MYRFL: variants seen among roughly 807,000 people sequenced by gnomAD.
MYRFL encodes the protein myelin regulatory factor like.
In MYRFL, 88 loss-of-function variants were observed where a neutral mutation model predicts 109.4. That is an observed-to-expected ratio of 0.80 (90% CI 0.68 to 0.96). The LOEUF (loss-of-function observed/expected upper bound fraction) is 0.96, where lower values mean the gene tolerates loss of function less well. Ranked by LOEUF, MYRFL falls within the 40% of genes least tolerant of loss-of-function variation. MYRFL has a pLI of 0.00. For missense variants in MYRFL, 957 were observed against 954.9 expected, an observed-to-expected ratio of 1.00 and a Z score of -0.03; for synonymous variants, 324 against 320.9, an observed-to-expected ratio of 1.01 and a Z score of -0.10.
chr12:69,902,459 A>G (rs1468409997), intron 10 of MYRFL, among the ~76,000 whole-genome samples: 1 of 152,190 alleles, frequency 6.6e-6, no homozygotes, highest in Non-Finnish European at 1.5e-5. Flanking sequence ...CCCAGGCTCC[A>G]TCCTTGAGGA....
intron 2 of MYRFL, among the ~76,000 whole-genome samples, chr12:69,864,529 T>C (rs1057307493): frequency 3.3e-5 from 5 of 152,178 alleles, no homozygotes; most frequent in South Asian, 4.2e-4. Flanking sequence ...TGGAGAAACC[T>C]GTATGCAGAT....
At chr12:69,839,813 A>G (rs1367104495) in intron 1 of MYRFL, among the ~76,000 whole-genome samples, 1 of 152,226 alleles carries the variant, frequency 6.6e-6, no homozygotes, top group Non-Finnish European at 1.5e-5. Flanking sequence ...GGCTTAGCTC[A>G]TGATTCTTTT....
Position 69,825,249 on chromosome 12 carries a change from T to C in MYRFL, c.-269T>C. On this transcript the variant is annotated 5_prime_UTR_variant, in exon 1 of 25. Transcript: ENST00000552032. ...AGCAGAGTAGAAACAGTTCCTTATA[T>C]TAAGACAGATGAATTTGCTACCTCT... 1 of 629,602 alleles carries C rather than the reference T, an allele frequency of 1.6e-6. No individual in the cohort carries two copies. Among genetic ancestry groups the C allele is most frequent in the Non-Finnish European group, 2.9e-6 (1 of 348,158 alleles). The allele number at this position is 629,602 out of a possible 1,614,324, so 39.0% of individuals were successfully genotyped here. A position where few individuals can be genotyped will look rare whatever the true frequency, so the allele number is the denominator to read the frequency against.
At chr12:69,844,916 A>G (rs1883439755) in intron 1 of MYRFL, among the ~76,000 whole-genome samples, 1 of 151,988 alleles carries the variant, frequency 6.6e-6, no homozygotes, top group African/African-American at 2.4e-5. Context: ...ACCCTCGAAA[A>G]CATAAAGTAT....
At chr12:69,936,076 A>ATTTT in intron 16 of MYRFL, 37 bp from the exon 17 acceptor site, 1 of 1,383,394 alleles carries the variant, frequency 7.2e-7, no homozygotes. Context: ...CTGCCACATA[A>ATTTT]TGTTTTTTTT....
At chr12:69,843,460 G>A (rs1198232687) in intron 1 of MYRFL, among the ~76,000 whole-genome samples, 1 of 152,176 alleles carries the variant, frequency 6.6e-6, no homozygotes, top group Non-Finnish European at 1.5e-5. Flanking sequence ...TCACTGTTGG[G>A]GAAAGTGATG....
chr12:69,894,712 T>A (rs1887117398), intron 8 of MYRFL, among the ~76,000 whole-genome samples: 1 of 152,222 alleles, frequency 6.6e-6, no homozygotes. Context: ...GTAGGATGAC[T>A]TAGAATGAAT....
At chr12:69,943,346 T>C (rs1955725615) in intron 19 of MYRFL, among the ~76,000 whole-genome samples, 1 of 147,974 alleles carries the variant, frequency 6.8e-6, no homozygotes, top group African/African-American at 2.5e-5. Flanking sequence ...TATAGATCAA[T>C]GGAACAGAAC....
At chr12:69,840,458 G>C (rs1041979078) in intron 1 of MYRFL, among the ~76,000 whole-genome samples, 1 of 152,088 alleles carries the variant, frequency 6.6e-6, no homozygotes, top group African/African-American at 2.4e-5. Context: ...TACTCCCCAA[G>C]TTGTATCAAA....
intron 13 of MYRFL, among the ~76,000 whole-genome samples, chr12:69,926,117 CTTTTTTTTTT>C (rs147973443): frequency 9.4e-5 from 8 of 84,852 alleles, no homozygotes; most frequent in African/African-American, 2.4e-4. Flanking sequence ...TCTTCTTCTT[CTTTTTTTTTT>C]TTTTTTTTTT....
At chr12:69,895,546 C>A in intron 9 of MYRFL, 65 bp downstream of exon 9, 1 of 1,361,654 alleles carries the variant, frequency 7.3e-7, no homozygotes, top group South Asian at 1.3e-5. Context: ...AAGTGCCCTC[C>A]TGGGGCCCCT....
intron 2 of MYRFL, among the ~76,000 whole-genome samples, chr12:69,858,528 A>G (rs896322597): frequency 1.3e-5 from 2 of 151,940 alleles, no homozygotes; most frequent in Admixed American, 6.6e-5. Flanking sequence ...TAGTAGATTC[A>G]GGGCTATTTA....
At chr12:69,930,542 G>A (rs934382222) in intron 15 of MYRFL, among the ~76,000 whole-genome samples, 2 of 152,084 alleles carry the variant, frequency 1.3e-5, no homozygotes, top group African/African-American at 4.8e-5. Flanking sequence ...AAGACGGCTG[G>A]GCATGGTGGC....
intron 1 of MYRFL, among the ~76,000 whole-genome samples, chr12:69,844,562 T>G (rs2136317881): frequency 6.6e-6 from 1 of 152,256 alleles, no homozygotes; most frequent in East Asian, 1.9e-4. Flanking sequence ...TGCAGTTGGC[T>G]GGCATTGCTG....
intron 15 of MYRFL, among the ~76,000 whole-genome samples, chr12:69,928,528 T>G (rs1161755335): frequency 6.6e-6 from 1 of 152,232 alleles, no homozygotes; most frequent in Non-Finnish European, 1.5e-5. Flanking sequence ...CTCCTCATGC[T>G]ATACTGTGTT....
chr12:69,949,572 A>G (rs1240892704), intron 19 of MYRFL, among the ~76,000 whole-genome samples: 1 of 151,762 alleles, frequency 6.6e-6, no homozygotes, highest in African/African-American at 2.4e-5. Context: ...GGCCGGCCAC[A>G]TGCGGCCCAG....
chr12:69,920,494 AATC>A (rs1954877407), intron 13 of MYRFL, among the ~76,000 whole-genome samples: 1 of 152,170 alleles, frequency 6.6e-6, no homozygotes, highest in South Asian at 2.1e-4. Flanking sequence ...TTATTCATGT[AATC>A]ATCAAATGTG....
intron 19 of MYRFL, among the ~76,000 whole-genome samples, chr12:69,938,974 G>A (rs991904121): frequency 5.3e-5 from 8 of 152,156 alleles, no homozygotes; most frequent in African/African-American, 1.7e-4. Context: ...CGAATACTGC[G>A]CATTTCCGAC....
chr12:69,936,140 A>C lies in MYRFL; in HGVS notation c.1944A>C (p.Ile648=). The change falls in exon 17 of 25, where the codon ATA becomes ATC. Residue 648 remains isoleucine (I), a synonymous_variant. Coordinates refer to ENST00000552032, the MANE Select transcript of MYRFL (RefSeq NM_182530.3). ...CTTTGACGATAGTTGCCCTCTATAT[A>C]CTTAGCTTAAAAGATCAAGACCGAC... ...FCALTIVALY[I]LSLKDQDRRV... is the part of the protein sequence containing the mutation. 6.8e-7 allele frequency: 1 copy of C among 1,467,372 alleles called. No homozygotes were observed. The highest frequency in any genetic ancestry group is 9.0e-7 in the Non-Finnish European group (1 of 1,116,714). The allele number at this position is 1,467,372 out of a possible 1,614,324, so 90.9% of individuals were successfully genotyped here.
Sources: gnomAD v4.1 joint callset for allele counts (sites outside exome capture counted in the v4.1 genomes callset) on GRCh38, gnomAD v4.1.1 for gene constraint, MANE v1.5 for transcripts, NCBI Gene and HGNC (gene_info 2026-07-23, HGNC 2026-07-21) for gene names.